TGFBR3: variants seen among roughly 807,000 people sequenced by gnomAD.
The protein encoded by TGFBR3 is transforming growth factor beta receptor type 3.
A neutral mutation model predicts 87.9 loss-of-function variants in TGFBR3; 46 were observed. The observed-to-expected ratio is 0.52, with a 90% CI of 0.41 to 0.67. TGFBR3 has a LOEUF of 0.67. Among genes scored for constraint, TGFBR3 ranks in the 30% least tolerant of loss-of-function variants. The pLI, the probability that TGFBR3 is intolerant of heterozygous loss-of-function variation, is 0.00. For synonymous variants in TGFBR3, 381 were observed against 391.6 expected, an observed-to-expected ratio of 0.97 and a Z score of 0.32; for missense variants, 866 against 1,041.9, an observed-to-expected ratio of 0.83 and a Z score of 2.32.
chr1:91,854,402 T>C (rs1036873969), intron 2 of TGFBR3, among the ~76,000 whole-genome samples: 1 of 151,956 alleles, frequency 6.6e-6, no homozygotes, highest in Non-Finnish European at 1.5e-5. Flanking sequence ...TGAAACTATC[T>C]AGTGCCCTTC....
In TGFBR3 at chr1:91,787,943, G is replaced by GGAAAAAAAAAAAAAAAAAAAAAAA. The variant is rs945269870; in HGVS notation, c.246+9343_246+9344insTTTTTTTTTTTTTTTTTTTTTTTC. 1.5e-5 allele frequency among the ~76,000 whole-genome samples: 2 copies of GGAAAAAAAAAAAAAAAAAAAAAAA among 133,314 alleles called. 1 individual carries two copies. Among genetic ancestry groups the GGAAAAAAAAAAAAAAAAAAAAAAA allele is most frequent in the African/African-American group, 6.1e-5 (2 of 32,612 alleles). 87.5% of individuals were successfully genotyped at this position (133,314 alleles called of 152,430 possible). A position where few individuals can be genotyped will look rare whatever the true frequency, so the allele number is the denominator to read the frequency against. On this transcript the variant is annotated intron_variant, in intron 3 of 16. Transcript: ENST00000212355. The stretch of plus-strand genomic sequence containing the variant: ...ACAGAGCCAGACCCTGTCTCACGGG[G>GGAAAAAAAAAAAAAAAAAAAAAAA]AAAAAAAAAAAAACCCCAAGAAGAA...
intron 16 of TGFBR3, among the ~76,000 whole-genome samples, chr1:91,688,119 G>A (rs1308507582): frequency 6.6e-6 from 1 of 152,120 alleles, no homozygotes; most frequent in Non-Finnish European, 1.5e-5. Flanking sequence ...AAATTCTCCA[G>A]GAGGGGTGAG....
At position 91,885,864 on chromosome 1, in the gene TGFBR3, G is replaced by T; in HGVS notation, c.-114+14C>A. ...GGGCGGGCTGCAGCGCCGCGGGGCT[G>T]GGCCGGCACGTACCTCGGAGGCGGT... On this transcript the variant is annotated intron_variant, in intron 1 of 16. Coordinates refer to ENST00000212355, the MANE Select transcript of TGFBR3 (RefSeq NM_003243.5). 1 of 357,106 alleles carries T rather than the reference G, an allele frequency of 2.8e-6. No individual in the cohort carries two copies. The highest frequency in any genetic ancestry group is 5.6e-6 in the Non-Finnish European group (1 of 179,178). 22.1% of individuals were successfully genotyped at this position (357,106 alleles called of 1,614,324 possible).
chr1:91,716,181 A>C, intron 12 of TGFBR3, 55 bp downstream of exon 12: 2 of 1,608,976 alleles, frequency 1.2e-6, no homozygotes, highest in African/African-American at 2.7e-5. Flanking sequence ...CTGATGTCTA[A>C]GGAACTATAG....
chr1:91,746,825 T>C (rs1016747193), intron 4 of TGFBR3, among the ~76,000 whole-genome samples: 6 of 152,168 alleles, frequency 3.9e-5, no homozygotes, highest in African/African-American at 1.4e-4. Flanking sequence ...GGCACACAGC[T>C]GGCAGACAAC....
rs144037000 is a variant in TGFBR3, at chr1:91,704,723, T to C, written c.2287+3940A>G. 2.4e-3 allele frequency among the ~76,000 whole-genome samples: 372 copies of C among 152,354 alleles called. 5 individuals are homozygous for C. The highest frequency in any genetic ancestry group is 8.7e-3 in the African/African-American group (363 of 41,580). ...CATCTATTGTTAAAAATTTAAATGG[T>C]AAAAGAACGCTAACCCAACACTGAT... On this transcript the variant is annotated intron_variant, in intron 14 of 16. Coordinates refer to ENST00000212355, the MANE Select transcript of TGFBR3 (RefSeq NM_003243.5).
At chr1:91,772,699 T>G (rs1334142629) in intron 3 of TGFBR3, among the ~76,000 whole-genome samples, 2 of 152,190 alleles carry the variant, frequency 1.3e-5, no homozygotes, top group African/African-American at 4.8e-5. Context: ...AAGCCTCTTA[T>G]CTATCCCTCT....
chr1:91,900,178 A>C (rs921418489), intron 1 of TGFBR3, among the ~76,000 whole-genome samples: 1 of 152,124 alleles, frequency 6.6e-6, no homozygotes, highest in Non-Finnish European at 1.5e-5. Flanking sequence ...GCAGTGGTGC[A>C]ATCTCAGCTG....
At chr1:91,727,286 T>C (rs1261248246) in intron 7 of TGFBR3, among the ~76,000 whole-genome samples, 1 of 152,248 alleles carries the variant, frequency 6.6e-6, no homozygotes, top group Non-Finnish European at 1.5e-5. Context: ...ACTATGACAC[T>C]GAGGTCCTTG....
At chr1:91,792,433 T>C (rs1368234774) in intron 3 of TGFBR3, among the ~76,000 whole-genome samples, 1 of 152,156 alleles carries the variant, frequency 6.6e-6, no homozygotes, top group Non-Finnish European at 1.5e-5. Context: ...TCCTTTAATG[T>C]CAAAACAAAT....
At chr1:91,801,377 T>C (rs557461602) in intron 2 of TGFBR3, among the ~76,000 whole-genome samples, 1 of 151,920 alleles carries the variant, frequency 6.6e-6, no homozygotes, top group South Asian at 2.1e-4. Context: ...CCCGTGGAGA[T>C]GGAGAGAAGG....
chr1:91,861,383 G>T (rs2101193206), intron 2 of TGFBR3, 88 bp downstream of exon 2: 1 of 1,021,556 alleles, frequency 9.8e-7, no homozygotes, highest in Non-Finnish European at 1.5e-6. Context: ...CTGGGTAACA[G>T]AGTGAAACTT....
intron 1 of TGFBR3, among the ~76,000 whole-genome samples, chr1:91,900,264 CCACCA>C (rs1679683507): frequency 6.6e-6 from 1 of 152,066 alleles, no homozygotes; most frequent in Non-Finnish European, 1.5e-5. Flanking sequence ...CAGGCGTGTG[CCACCA>C]CACCTGGCTA....
rs11810859 is a variant in TGFBR3, at chr1:91,849,471, T to C, written c.61+12000A>G. Among the ~76,000 whole-genome samples the C allele has an allele frequency of 4.1e-3, 631 of 152,284 alleles. 3 individuals carry two copies. The highest frequency in any genetic ancestry group is 0.015 in the African/African-American group (613 of 41,556). On this transcript the variant is annotated intron_variant, in intron 2 of 16. Transcript: ENST00000212355. ...GCCTGGAATGCTCTTTCCCCAGATA[T>C]CCACTTAGCTCACCTCCTCCAAACC... is the stretch of plus-strand genomic sequence containing the variant.
At chr1:91,752,080 A>C (rs866571689) in intron 4 of TGFBR3, among the ~76,000 whole-genome samples, 1 of 152,200 alleles carries the variant, frequency 6.6e-6, no homozygotes, top group East Asian at 1.9e-4. Context: ...GGCAGAGCCA[A>C]GACTAGTACT....
chr1:91,740,446 C>T (rs1054907567), intron 4 of TGFBR3, among the ~76,000 whole-genome samples: 6 of 151,868 alleles, frequency 4.0e-5, no homozygotes, highest in African/African-American at 1.5e-4. Flanking sequence ...CTCATTGCAA[C>T]CTCCACCTCA....
At chr1:91,810,958 C>T (rs189633750) in intron 2 of TGFBR3, among the ~76,000 whole-genome samples, 4 of 152,276 alleles carry the variant, frequency 2.6e-5, no homozygotes, top group Admixed American at 2.0e-4. Context: ...CCTAGCTCTG[C>T]GCTTTCTAGC....
Position 91,719,965 on chromosome 1 carries a change from G to C in TGFBR3, c.1341C>G (p.Ser447Arg), listed in dbSNP as rs2229500. ...GLREPEEVQG[S>R]VDIALSVKCD... ...ATTTGACAGACAGGGCAATATCCAC[G>C]CTCCCTTGCACCTCTTCTGGCTCTC... Residue 447 changes from serine to arginine, a missense_variant, in exon 9 of 17, where the codon AGC (serine) becomes AGG (arginine). Ser to Arg is a moderately radical substitution (Grantham distance 110). Coordinates refer to ENST00000212355, the MANE Select transcript of TGFBR3 (RefSeq NM_003243.5). The C allele has an allele frequency of 3.7e-6, 6 of 1,613,980 alleles. No individual in the cohort carries two copies. In the African/African-American group the frequency reaches 8.0e-5, roughly 22 times the overall value.
chr1:91,888,803 G>T (rs144597045), upstream of TGFBR3, among the ~76,000 whole-genome samples: 479 of 152,344 alleles, frequency 3.1e-3, 3 homozygotes, highest in African/African-American at 0.011. Flanking sequence ...GAGTGATGAA[G>T]TGACTGGTCC....
Sources: gnomAD v4.1 joint callset for allele counts (sites outside exome capture counted in the v4.1 genomes callset) on GRCh38, gnomAD v4.1.1 for gene constraint, MANE v1.5 for transcripts, NCBI Gene and HGNC (gene_info 2026-07-23, HGNC 2026-07-21) for gene names.